SGCD: variants seen among roughly 807,000 people sequenced by gnomAD.
The protein encoded by SGCD is sarcoglycan delta, also known as delta-sarcoglycan.
Under a neutral mutation model 36.6 loss-of-function variants are expected in SGCD, and 18 were observed. The observed-to-expected ratio is 0.49, with a 90% CI of 0.34 to 0.73. The LOEUF is 0.73. Ranked by LOEUF, SGCD falls within the 30% of genes least tolerant of loss-of-function variation. The pLI is 0.01. For synonymous variants in SGCD, 133 were observed against 130.6 expected (o/e 1.02, Z -0.12); for missense variants, 387 against 346.7 (o/e 1.12, Z -0.92).
At chr5:156,621,066 T>A (rs1444576132) in intron 6 of SGCD, among the ~76,000 whole-genome samples, 5 of 152,236 alleles carry the variant, frequency 3.3e-5, no homozygotes, top group African/African-American at 1.2e-4. Flanking sequence ...AGTTCTTCTT[T>A]AGAAAGAAAT....
At chr5:156,216,029 C>T (rs942466499) in intron 3 of SGCD, among the ~76,000 whole-genome samples, 1 of 152,106 alleles carries the variant, frequency 6.6e-6, no homozygotes, top group Non-Finnish European at 1.5e-5. Context: ...TCATTTATAA[C>T]AATGTGGATG....
intron 3 of SGCD, among the ~76,000 whole-genome samples, chr5:156,220,056 A>G (rs1172428031): frequency 6.6e-6 from 1 of 152,140 alleles, no homozygotes; most frequent in African/African-American, 2.4e-5. Flanking sequence ...AAGACAAAAT[A>G]CATATCTACA....
chr5:156,301,169 C>A (rs925280426), intron 3 of SGCD, among the ~76,000 whole-genome samples: 4 of 151,890 alleles, frequency 2.6e-5, no homozygotes, highest in Admixed American at 6.6e-5. Context: ...TCTCTTACTT[C>A]CTTCTTTCTT....
At chr5:156,100,913 A>C (rs1417456639) in intron 1 of SGCD, among the ~76,000 whole-genome samples, 5 of 152,130 alleles carry the variant, frequency 3.3e-5, no homozygotes, top group African/African-American at 1.2e-4. Flanking sequence ...CCACATTTAC[A>C]TGTTTATTTG....
chr5:156,245,860 C>T (rs1765426835), intron 3 of SGCD, among the ~76,000 whole-genome samples: 2 of 151,992 alleles, frequency 1.3e-5, no homozygotes, highest in South Asian at 4.2e-4. Context: ...ACAAATTGTA[C>T]AAAATATGGG....
intron 3 of SGCD, among the ~76,000 whole-genome samples, chr5:156,495,737 T>C (rs971151995): frequency 2.6e-5 from 4 of 152,198 alleles, no homozygotes; most frequent in African/African-American, 9.7e-5. Context: ...ATGTGGCTTC[T>C]TAAGATAAAT....
chr5:156,437,701 A>G (rs761711062), intron 3 of SGCD, among the ~76,000 whole-genome samples: 55 of 152,182 alleles, frequency 3.6e-4, no homozygotes, highest in Non-Finnish European at 6.9e-4. Context: ...GGGAGTCACA[A>G]TTTGACTGCT....
At chr5:156,350,084 A>G in intron 3 of SGCD, among the ~76,000 whole-genome samples, 1 of 151,194 alleles carries the variant, frequency 6.6e-6, no homozygotes, top group East Asian at 2.0e-4. Context: ...GACTCAGAAG[A>G]GGAGAGGGTG....
chr5:155,865,124 A>ATAGG, the SGCD span, among the ~76,000 whole-genome samples: 3 of 152,184 alleles, frequency 2.0e-5, no homozygotes, highest in East Asian at 1.9e-4. Context: ...AGATAGATAG[A>ATAGG]TAGATAGATA....
intron 1 of SGCD, among the ~76,000 whole-genome samples, chr5:155,884,031 A>G (rs745462931): frequency 8.6e-5 from 13 of 151,962 alleles, no homozygotes; most frequent in Non-Finnish European, 1.6e-4. Flanking sequence ...AAGAGACTTC[A>G]CTCCCACTAA....
chr5:156,559,076 C>T (rs1480141430), intron 4 of SGCD, among the ~76,000 whole-genome samples: 1 of 152,138 alleles, frequency 6.6e-6, no homozygotes, highest in East Asian at 1.9e-4. Context: ...TACTCACTGG[C>T]TAAATGACCT....
At chr5:155,828,417 T>C in the SGCD span, among the ~76,000 whole-genome samples, 1 of 152,182 alleles carries the variant, frequency 6.6e-6, no homozygotes, top group Non-Finnish European at 1.5e-5. Flanking sequence ...AATGAGGAAA[T>C]GAACATAAAC....
At chr5:156,606,856 A>G (rs1412145715) in intron 6 of SGCD, among the ~76,000 whole-genome samples, 3 of 152,028 alleles carry the variant, frequency 2.0e-5, no homozygotes, top group South Asian at 2.1e-4. Flanking sequence ...TTTGTCTGTT[A>G]TTGGTGTATA....
chr5:156,691,863 G>C (rs138240745), intron 7 of SGCD, among the ~76,000 whole-genome samples: 11 of 152,144 alleles, frequency 7.2e-5, no homozygotes, highest in Non-Finnish European at 1.6e-4. Flanking sequence ...ATGTATATTA[G>C]CACCAAGTTT....
chr5:155,824,491 A>G, the SGCD span, among the ~76,000 whole-genome samples: 3 of 152,184 alleles, frequency 2.0e-5, no homozygotes, highest in African/African-American at 7.2e-5. Context: ...ATTATTAAAT[A>G]ATTGGGAAAA....
chr5:155,957,259 C>A (rs1165778791), intron 1 of SGCD, among the ~76,000 whole-genome samples: 1 of 152,034 alleles, frequency 6.6e-6, no homozygotes, highest in Non-Finnish European at 1.5e-5. Flanking sequence ...CCCTTCAGTG[C>A]TGAGGCTGCT....
At chr5:156,265,871 C>T (rs368841842) in intron 3 of SGCD, among the ~76,000 whole-genome samples, 23 of 152,134 alleles carry the variant, frequency 1.5e-4, no homozygotes, top group African/African-American at 4.8e-4. Context: ...TAATTGCTTG[C>T]GATTTTCTCA....
At chr5:156,356,929 T>C (rs1238662052) in intron 3 of SGCD, among the ~76,000 whole-genome samples, 1 of 152,118 alleles carries the variant, frequency 6.6e-6, no homozygotes, top group African/African-American at 2.4e-5. Flanking sequence ...TGATAGCCAC[T>C]AGAATTGGGA....
chr5:156,191,753 C>A (rs143249574), intron 3 of SGCD, among the ~76,000 whole-genome samples: 183 of 152,198 alleles, frequency 1.2e-3, no homozygotes, highest in African/African-American at 3.2e-3. Flanking sequence ...TGGATCACAG[C>A]TCAGTGGGAT....
Sources: gnomAD v4.1 joint callset for allele counts (sites outside exome capture counted in the v4.1 genomes callset) on GRCh38, gnomAD v4.1.1 for gene constraint, MANE v1.5 for transcripts, NCBI Gene and HGNC (gene_info 2026-07-23, HGNC 2026-07-21) for gene names.